Variants in ZNF527 observed in about 807,000 individuals in gnomAD.
ZNF527 encodes zinc finger protein 527.
A neutral mutation model predicts 13.5 loss-of-function variants in ZNF527; 5 were observed. The ratio of observed to expected loss-of-function variants is 0.37; its 90% confidence interval spans 0.19 to 0.78. The LOEUF is 0.78. ZNF527 is among the 30% of genes least tolerant of loss of function. The probability of loss-of-function intolerance (pLI) is 0.48; values close to 1 mark genes in which losing one functional copy is unlikely to be tolerated. For missense variants in ZNF527, 628 were observed against 726.4 expected (o/e 0.86, Z 1.56); for synonymous variants, 209 against 243.1 (o/e 0.86, Z 1.30).
chr19:37,379,058 C>CT, intron 2 of ZNF527, 62 bp from the exon 3 acceptor site: 1 of 1,600,944 alleles, frequency 6.2e-7, no homozygotes, highest in East Asian at 2.2e-5. Context: ...CCAAATTCAT[C>CT]TTTTTTGCTA....
At chr19:37,374,378 T>C in intron 2 of ZNF527, 147 bp downstream of exon 2, 1 of 720,314 alleles carries the variant, frequency 1.4e-6, no homozygotes, top group Non-Finnish European at 2.4e-6. Context: ...TACAAAACAT[T>C]TAATATCTTT....
intron 3 of ZNF527, chr19:37,380,021 G>T (rs1201927880): frequency 9.5e-6 from 4 of 422,904 alleles, no homozygotes; most frequent in South Asian, 8.0e-5. Flanking sequence ...TGCGGCCTGA[G>T]AATGTGCATT....
At chr19:37,381,498 ATCTC>A (rs1460618496) in intron 4 of ZNF527, among the ~76,000 whole-genome samples, 2 of 152,206 alleles carry the variant, frequency 1.3e-5, no homozygotes, top group Admixed American at 1.3e-4. Context: ...ATAATGTTGT[ATCTC>A]TCTCAGTGCA....
At chr19:37,382,831 C>T (rs1029633865) in intron 4 of ZNF527, among the ~76,000 whole-genome samples, 2 of 152,214 alleles carry the variant, frequency 1.3e-5, no homozygotes, top group Non-Finnish European at 2.9e-5. Context: ...CTCAGCCTCC[C>T]GGGTAGCTGT....
chr19:37,386,675 T>C (rs993916902), intron 4 of ZNF527, among the ~76,000 whole-genome samples: 1 of 152,240 alleles, frequency 6.6e-6, no homozygotes, highest in Non-Finnish European at 1.5e-5. Flanking sequence ...TAAGTCTATA[T>C]GTAAAGATAG....
intron 4 of ZNF527, chr19:37,384,967 A>G (rs1356717781): frequency 4.3e-6 from 3 of 701,608 alleles, no homozygotes; most frequent in East Asian, 2.7e-5. Context: ...CTCAGCATGC[A>G]CACCACTGCA....
Position 37,388,348 on chromosome 19 carries a change from G to C in ZNF527, c.299G>C (p.Trp100Ser), listed in dbSNP as rs2040716773. Residue 100 changes from tryptophan to serine, a missense_variant, in exon 5 of 5, where the codon TGG (tryptophan) becomes TCG (serine). Trp to Ser is a radical substitution (Grantham distance 177). Around this residue, in one of 3 missense-constraint regions of ZNF527, gnomAD observed 592 missense variants for 678.0 expected, o/e 0.87. Transcript: ENST00000436120. ...GAAATTGAGGAATTATCTCCAAAAT[G>C]GTTCATTGATGAAGATGAAATATCC... Reference protein sequence around the residue: ...WCEIEELSPKWFIDEDEISQE... With the variant: ...WCEIEELSPKSFIDEDEISQE... 6.2e-7 allele frequency: 1 copy of C among 1,613,836 alleles called. No individual in the cohort carries two copies. Among genetic ancestry groups the C allele is most frequent in the Non-Finnish European group, 8.5e-7 (1 of 1,179,940 alleles).
chr19:37,387,375 T>C (rs2040708700), intron 4 of ZNF527, among the ~76,000 whole-genome samples: 1 of 152,210 alleles, frequency 6.6e-6, no homozygotes, highest in African/African-American at 2.4e-5. Flanking sequence ...ATACCTGTAA[T>C]AATCTATATC....
Position 37,388,685 on chromosome 19 carries a change from C to G in ZNF527, c.636C>G (p.Leu212=), listed in dbSNP as rs748201601. Residue 212 remains leucine, a synonymous_variant, in exon 5 of 5, where the codon CTC becomes CTG. Coordinates refer to ENST00000436120, the MANE Select transcript of ZNF527 (RefSeq NM_032453.2). ...QNSVIIEYKR[L]HAEKESLIGN... is the part of the protein sequence containing the mutation. ...CAGTCATAATTGAATATAAAAGACT[C>G]CATGCTGAGAAGGAATCTTTGATAG... The G allele has an allele frequency of 6.2e-7, 1 of 1,611,488 alleles. No homozygotes were observed. The highest frequency in any genetic ancestry group is 2.2e-5 in the East Asian group (1 of 44,864).
rs1312298692 is a variant in ZNF527, at chr19:37,391,521, A to T, written c.*1642A>T. ...GAAGTGGAGGTTACAGTGAGCGAAG[A>T]TCGCGCCATTGTACTCCAGCCTGGG... On this transcript the variant is annotated 3_prime_UTR_variant, in exon 5 of 5. Coordinates refer to ENST00000436120, the MANE Select transcript of ZNF527 (RefSeq NM_032453.2). 2.0e-5 allele frequency: 3 copies of T among 151,718 alleles called. No homozygotes were observed. In the East Asian group the frequency reaches 5.8e-4, roughly 29 times the overall value. 9.4% of individuals were successfully genotyped at this position (151,718 alleles called of 1,614,324 possible).
chr19:37,379,389 A>AAT, intron 3 of ZNF527, 143 bp downstream of exon 3: 1 of 733,648 alleles, frequency 1.4e-6, no homozygotes, highest in Non-Finnish European at 2.0e-6. Flanking sequence ...AATGATTTGA[A>AAT]ATATATATTT....
At position 37,389,752 on chromosome 19, in the gene ZNF527, C is replaced by A. The variant is rs1431411270; in HGVS notation, c.1703C>A (p.Ser568Tyr). 6.2e-7 allele frequency: 1 copy of A among 1,613,704 alleles called. No homozygotes were observed. Among genetic ancestry groups the A allele is most frequent in the Non-Finnish European group, 8.5e-7 (1 of 1,180,008 alleles). ...GGGAAGGCTTTTCATCAGATCTTGT[C>A]CCTAAGACTACACCAGAGAATTCAC... ...ECGKAFHQIL[S>Y]LRLHQRIHAG... The change falls in exon 5 of 5, where the codon TCC (serine) becomes TAC (tyrosine). Residue 568 changes from serine to tyrosine, a missense_variant. Ser to Tyr is a moderately radical substitution (Grantham distance 144, BLOSUM62 -2). Transcript: ENST00000436120.
chr19:37,384,182 G>A (rs974056347), intron 4 of ZNF527, among the ~76,000 whole-genome samples: 1 of 152,024 alleles, frequency 6.6e-6, no homozygotes, highest in African/African-American at 2.4e-5. Flanking sequence ...GCTGGGCGTG[G>A]TGGTGTGTTC....
chr19:37,390,726 T>C lies in ZNF527; in HGVS notation c.*847T>C, dbSNP rs2040745497. 1 of 152,204 alleles carries C rather than the reference T, an allele frequency of 6.6e-6. No homozygotes were observed. The highest frequency in any genetic ancestry group is 1.5e-5 in the Non-Finnish European group (1 of 68,024). The allele number at this position is 152,204 out of a possible 1,614,324, so 9.4% of individuals were successfully genotyped here. On this transcript the variant is annotated 3_prime_UTR_variant, in exon 5 of 5. Transcript: ENST00000436120. The stretch of plus-strand genomic sequence containing the variant: ...ATTCCTGACAGCTACACCATCACCA[T>C]CCTTTTTCATTTTTTGTGATCCAAT...
intron 2 of ZNF527, among the ~76,000 whole-genome samples, chr19:37,375,287 TTTCTTTCTTTCTTTCTTTCTTTCTTTTC>T (rs2040592256): frequency 3.1e-5 from 4 of 127,438 alleles, no homozygotes; most frequent in Admixed American, 8.1e-5. Flanking sequence ...TCTTTCTTTC[TTTCTTTCTTTCTTTCTTTCTTTCTTTTC>T]TTTCTTTCTT....
intron 4 of ZNF527, among the ~76,000 whole-genome samples, chr19:37,384,179 G>A (rs543674060): frequency 1.4e-4 from 21 of 151,978 alleles, no homozygotes; most frequent in Non-Finnish European, 2.5e-4. Context: ...TTAGCTGGGC[G>A]TGGTGGTGTG....
intron 1 of ZNF527, among the ~76,000 whole-genome samples, chr19:37,371,910 G>A (rs897886264): frequency 7.9e-5 from 12 of 151,892 alleles, no homozygotes; most frequent in African/African-American, 2.9e-4. Context: ...ATGAAGCACA[G>A]AAATATTAGA....
chr19:37,375,315 C>T (rs199776639), intron 2 of ZNF527, among the ~76,000 whole-genome samples: 2,785 of 77,658 alleles, frequency 0.036, 24 homozygotes, highest in Non-Finnish European at 0.049. Flanking sequence ...TCTTTCTTTT[C>T]TTTCTTTCTT....
intron 1 of ZNF527, among the ~76,000 whole-genome samples, chr19:37,373,227 CTGTG>C (rs888964870): frequency 6.6e-6 from 1 of 152,044 alleles, no homozygotes; most frequent in African/African-American, 2.4e-5. Flanking sequence ...GCTAATACGG[CTGTG>C]TGTGTGAGAG....
Sources: gnomAD v4.1 joint callset for allele counts (sites outside exome capture counted in the v4.1 genomes callset) on GRCh38, gnomAD v4.1.1 for gene constraint, gnomAD v4.1.1 regional missense constraint, MANE v1.5 for transcripts, NCBI Gene and HGNC (gene_info 2026-07-23, HGNC 2026-07-21) for gene names.